Variants in EMC3 observed in about 807,000 individuals in gnomAD.
The protein encoded by EMC3 is 30 kDa protein.
EMC3 carries 13 observed loss-of-function variants against 36.6 expected under a neutral mutation model. The ratio of observed to expected loss-of-function variants is 0.35; its 90% confidence interval spans 0.23 to 0.56. EMC3 has a LOEUF of 0.56. Among genes scored for constraint, EMC3 ranks in the 20% least tolerant of loss-of-function variants. The probability of loss-of-function intolerance (pLI) is 0.84; values close to 1 mark genes in which losing one functional copy is unlikely to be tolerated. For missense variants in EMC3, 220 were observed against 324.5 expected (o/e 0.68, Z 2.47); for synonymous variants, 120 against 111.9 (o/e 1.07, Z -0.46).
At chr3:9,967,747 A>G (rs1405156848) in intron 7 of EMC3, among the ~76,000 whole-genome samples, 1 of 152,246 alleles carries the variant, frequency 6.6e-6, no homozygotes, top group East Asian at 1.9e-4. Context: ...AAGAATGGCA[A>G]GTAAGATTTT....
intron 1 of EMC3, among the ~76,000 whole-genome samples, chr3:10,002,343 C>T (rs1204604676): frequency 7.7e-6 from 1 of 130,304 alleles, no homozygotes; most frequent in East Asian, 2.2e-4. Context: ...GGCTAGAGTA[C>T]AGTGACACAA....
At chr3:9,984,182 A>G (rs2085943054) in intron 1 of EMC3, among the ~76,000 whole-genome samples, 1 of 151,950 alleles carries the variant, frequency 6.6e-6, no homozygotes, top group African/African-American at 2.4e-5. Flanking sequence ...CCCGGATTCA[A>G]GCGATTCTCC....
intron 1 of EMC3, chr3:10,006,801 A>G (rs576892315): frequency 9.8e-6 from 4 of 409,690 alleles, no homozygotes; most frequent in African/African-American, 2.2e-5. Context: ...GTCTCTCTGC[A>G]TTTAGATTGG....
intron 5 of EMC3, among the ~76,000 whole-genome samples, chr3:9,972,596 C>A (rs1316875529): frequency 6.6e-6 from 1 of 151,180 alleles, no homozygotes; most frequent in South Asian, 2.1e-4. Context: ...CATGGTGAAA[C>A]CCTGTCTCCA....
At chr3:9,969,521 T>G (rs2085763915) in intron 7 of EMC3, 198 bp downstream of exon 7, 4 of 1,461,824 alleles carry the variant, frequency 2.7e-6, no homozygotes, top group South Asian at 1.4e-5. Flanking sequence ...TAAAAACCAG[T>G]AAAAGCACCA....
chr3:10,008,389 C>T, intron 1 of EMC3: 1 of 1,367,196 alleles, frequency 7.3e-7, no homozygotes, highest in Non-Finnish European at 9.8e-7. Flanking sequence ...AGAGAAGGTC[C>T]TTTCAAGTGT....
Position 9,986,551 on chromosome 3 carries a change from C to G in EMC3, c.111G>C (p.Leu37=), listed in dbSNP as rs1254578660. Residue 37 remains leucine, a synonymous_variant, in exon 1 of 8, where the codon CTG becomes CTC. Coordinates refer to ENST00000245046, the MANE Select transcript of EMC3 (RefSeq NM_001394674.1). ...GGGTGAGCTTCTTGTCGCTCTGCAG[C>G]AGGATGGACACGTAGTGGCGGATCA... ...VGMIRHYVSI[L]LQSDKKLTQE... is the part of the protein sequence containing the mutation. The G allele has an allele frequency of 2.5e-6, 4 of 1,614,212 alleles. No homozygotes were observed.
chr3:9,981,471 C>G (rs957107299), intron 1 of EMC3, among the ~76,000 whole-genome samples: 1 of 152,152 alleles, frequency 6.6e-6, no homozygotes, highest in African/African-American at 2.4e-5. Context: ...TAGCTGTGTT[C>G]TCTGAAGTTT....
At chr3:9,970,689 G>GT (rs2085776062) in intron 5 of EMC3, 28 bp from the exon 6 acceptor site, 7 of 1,611,212 alleles carry the variant, frequency 4.3e-6, no homozygotes, top group Admixed American at 1.7e-5. Flanking sequence ...AAATGGTGTG[G>GT]TTAGTTATTA....
chr3:9,997,875 ATTTG>A (rs1411982521), intron 1 of EMC3, among the ~76,000 whole-genome samples: 2 of 152,056 alleles, frequency 1.3e-5, no homozygotes, highest in Non-Finnish European at 2.9e-5. Flanking sequence ...GTTTACAAAT[ATTTG>A]TTTGAGTCCC....
chr3:9,973,680 A>G lies in EMC3; in HGVS notation c.442T>C (p.Phe148Leu). 1 of 1,614,162 alleles carries G rather than the reference A, an allele frequency of 6.2e-7. No individual in the cohort carries two copies. The part of the protein sequence containing the change: ...TKVPFPLTLR[F>L]KPMLQQGIEL... ...ATTCCTTGCTGTAACATAGGCTTAAAACGGAGGGTCAGTGGAAATGGGACC... is the reference window on the plus strand; with the variant it reads ...ATTCCTTGCTGTAACATAGGCTTAAGACGGAGGGTCAGTGGAAATGGGACC... Residue 148 changes from phenylalanine to leucine, a missense_variant, in exon 5 of 8, where the codon TTT becomes CTT. Coordinates refer to ENST00000245046, the MANE Select transcript of EMC3 (RefSeq NM_001394674.1).
chr3:9,982,510 C>T (rs2085922571), intron 1 of EMC3, among the ~76,000 whole-genome samples: 2 of 152,124 alleles, frequency 1.3e-5, no homozygotes, highest in South Asian at 4.1e-4. Context: ...GCCTCAGCCT[C>T]CCAAAAGTGC....
intron 1 of EMC3, among the ~76,000 whole-genome samples, chr3:9,995,955 T>C (rs545578233): frequency 6.6e-6 from 1 of 152,256 alleles, no homozygotes; most frequent in East Asian, 1.9e-4. Flanking sequence ...ACCACAAACA[T>C]TAAGTGCCTA....
Position 10,000,690 on chromosome 3 carries a change from CCTT to C in EMC3, c.-242+10330_-242+10332del, listed in dbSNP as rs548369578. On this transcript the variant is annotated intron_variant, in intron 1 of 8. Coordinates refer to the EMC3 transcript ENST00000470827. ...TAAGCTATCAAGCCTGCCCTTTCTG[CCTT>C]CTTCTTAATGCCGGCAAAGATCATT... The C allele has an allele frequency of 2.3e-4, 111 of 475,994 alleles. 1 individual carries two copies. Among genetic ancestry groups the C allele is most frequent in the African/African-American group, 2.0e-3 (99 of 50,526 alleles). 29.5% of individuals were successfully genotyped at this position (475,994 alleles called of 1,614,324 possible).
intron 1 of EMC3, 71 bp downstream of exon 1, chr3:9,986,436 A>C (rs2085973096): frequency 2.5e-6 from 4 of 1,574,450 alleles, no homozygotes; most frequent in Admixed American, 3.4e-5. Flanking sequence ...AGGCAAATTG[A>C]CACAACTCCT....
Position 9,963,479 on chromosome 3 carries a change from T to TATATA in EMC3, c.*589_*590insTATAT, listed in dbSNP as rs1559347910. Reference sequence around the variant, plus strand: ...GATATATATATATATATATATATATTTTTTTTTTTTTTTCAGATGGAGTTT... The same window carrying TATATA: ...GATATATATATATATATATATATATTATATATTTTTTTTTTTTTCAGATGGAGTTT... On this transcript the variant is annotated 3_prime_UTR_variant, in exon 8 of 8. Coordinates refer to ENST00000245046, the MANE Select transcript of EMC3 (RefSeq NM_001394674.1). The TATATA allele has an allele frequency of 1.9e-3, 82 of 43,720 alleles. No individual in the cohort carries two copies. The highest frequency in any genetic ancestry group is 3.3e-3 in the African/African-American group (42 of 12,842). 2.7% of individuals were successfully genotyped at this position (43,720 alleles called of 1,614,324 possible).
At chr3:9,994,778 G>A (rs1052643614) in intron 1 of EMC3, among the ~76,000 whole-genome samples, 1 of 152,012 alleles carries the variant, frequency 6.6e-6, no homozygotes, top group Admixed American at 6.6e-5. Flanking sequence ...CACCATGTTG[G>A]CCATCCTGGT....
chr3:10,006,014 G>T (rs1478191490), intron 1 of EMC3, among the ~76,000 whole-genome samples: 1 of 152,140 alleles, frequency 6.6e-6, no homozygotes, highest in Non-Finnish European at 1.5e-5. Flanking sequence ...GCAGAAGACC[G>T]CCATTCTTGC....
intron 1 of EMC3, among the ~76,000 whole-genome samples, chr3:9,992,636 G>C (rs1007765163): frequency 8.5e-5 from 13 of 152,158 alleles, no homozygotes; most frequent in African/African-American, 3.1e-4. Context: ...TTCTGTAGTA[G>C]TATCACTTTA....
Sources: gnomAD v4.1 joint callset for allele counts (sites outside exome capture counted in the v4.1 genomes callset) on GRCh38, gnomAD v4.1.1 for gene constraint, MANE v1.5 for transcripts, NCBI Gene and HGNC (gene_info 2026-07-23, HGNC 2026-07-21) for gene names.